Variants in CFAP61 observed in about 807,000 individuals in gnomAD.
CFAP61 encodes cilia- and flagella-associated protein 61.
Under a neutral mutation model 135.6 loss-of-function variants are expected in CFAP61, and 107 were observed. That is an observed-to-expected ratio of 0.79 (90% CI 0.67 to 0.93). The LOEUF (loss-of-function observed/expected upper bound fraction) is 0.93. CFAP61 is among the 40% of genes least tolerant of loss of function. The pLI is 0.00. For missense variants in CFAP61, 1,507 were observed against 1,556.2 expected, an observed-to-expected ratio of 0.97 and a Z score of 0.53; for synonymous variants, 575 against 578.5, an observed-to-expected ratio of 0.99 and a Z score of 0.09.
chr20:20,130,130 A>T (rs1276726201), intron 8 of CFAP61, among the ~76,000 whole-genome samples: 1 of 151,434 alleles, frequency 6.6e-6, no homozygotes, highest in Non-Finnish European at 1.5e-5. Flanking sequence ...TCTACTAAAG[A>T]TACAAAAAAT....
At chr20:20,130,446 T>C (rs2050426354) in intron 8 of CFAP61, among the ~76,000 whole-genome samples, 1 of 151,856 alleles carries the variant, frequency 6.6e-6, no homozygotes, top group African/African-American at 2.4e-5. Flanking sequence ...ATGTTTCTTG[T>C]GGTGTGTGTT....
rs146792381 is a variant in CFAP61, at chr20:20,090,941, G to A, written c.664G>A (p.Ala222Thr). Residue 222 changes from alanine to threonine, a missense_variant, in exon 7 of 27, where the codon GCC (alanine) becomes ACC (threonine). Physicochemically the swap from Ala to Thr is moderately conservative, Grantham distance 58 (BLOSUM62 0). Transcript: ENST00000245957. ...GEYFLAELIE[A>T]QDEENHAVVC... is the part of the protein sequence containing the mutation. Reference sequence around the variant, plus strand: ...ATACTTCCTGGCCGAACTAATAGAGGCCCAAGATGAAGAGAATCATGCTGT... The same window carrying A: ...ATACTTCCTGGCCGAACTAATAGAGACCCAAGATGAAGAGAATCATGCTGT... 292 of 1,614,004 alleles carry A rather than the reference G, an allele frequency of 1.8e-4. No homozygotes were observed. The highest frequency in any genetic ancestry group is 3.2e-4 in the Admixed American group (19 of 60,008).
At chr20:20,116,413 C>T (rs183530319) in intron 8 of CFAP61, among the ~76,000 whole-genome samples, 5 of 152,176 alleles carry the variant, frequency 3.3e-5, no homozygotes, top group East Asian at 1.9e-4. Context: ...TCCTTTGCCG[C>T]GCAGAAACTT....
At chr20:20,294,508 G>A (rs189912988) in intron 24 of CFAP61, among the ~76,000 whole-genome samples, 4 of 152,278 alleles carry the variant, frequency 2.6e-5, no homozygotes, top group East Asian at 3.9e-4. Flanking sequence ...CCTCCTCATC[G>A]CTTTCTCTAG....
At position 20,349,562 on chromosome 20, in the gene CFAP61, G is replaced by C. The variant is rs28821281; in HGVS notation, c.3513+7641G>C. Among the ~76,000 whole-genome samples, 414 of 152,252 alleles carry C rather than the reference G, an allele frequency of 2.7e-3. 3 individuals are homozygous for C. Among genetic ancestry groups the C allele is most frequent in the African/African-American group, 9.5e-3 (396 of 41,534 alleles). The stretch of plus-strand genomic sequence containing the variant: ...CATTGGGGATCACATTCCAGCATGA[G>C]AGTTGAAGGGAAAAAAACATCCAGA... On this transcript the variant is annotated intron_variant, in intron 26 of 26. Transcript: ENST00000245957.
intron 24 of CFAP61, among the ~76,000 whole-genome samples, chr20:20,291,659 G>T (rs911407402): frequency 2.0e-5 from 3 of 152,170 alleles, no homozygotes; most frequent in African/African-American, 7.2e-5. Context: ...CAAGTAGATT[G>T]CTTAGCATCT....
chr20:20,190,112 G>A (rs1403740146), intron 14 of CFAP61, among the ~76,000 whole-genome samples: 1 of 152,206 alleles, frequency 6.6e-6, no homozygotes, highest in African/African-American at 2.4e-5. Flanking sequence ...AACTAAAACT[G>A]CAACTATCTT....
intron 1 of CFAP61, among the ~76,000 whole-genome samples, chr20:20,056,390 A>G (rs539943859): frequency 6.6e-6 from 1 of 152,336 alleles, no homozygotes; most frequent in South Asian, 2.1e-4. Context: ...GTTGGAAACA[A>G]AGAATATAGT....
intron 21 of CFAP61, chr20:20,265,579 C>A: frequency 1.3e-6 from 1 of 758,898 alleles, no homozygotes; most frequent in South Asian, 1.4e-5. Context: ...CACCAAATAG[C>A]CAGGATAAGA....
intron 12 of CFAP61, among the ~76,000 whole-genome samples, chr20:20,168,084 C>G (rs948805950): frequency 1.3e-5 from 2 of 152,102 alleles, no homozygotes; most frequent in African/African-American, 4.8e-5. Context: ...TTAATATGCC[C>G]AATCCTTTTT....
At chr20:20,239,027 G>C (rs1330831516) in intron 18 of CFAP61, among the ~76,000 whole-genome samples, 2 of 150,950 alleles carry the variant, frequency 1.3e-5, no homozygotes, top group African/African-American at 2.4e-5. Context: ...GTTAGATATT[G>C]TTTATATACA....
intron 20 of CFAP61, among the ~76,000 whole-genome samples, chr20:20,261,304 G>C (rs1322439319): frequency 6.6e-6 from 1 of 152,222 alleles, no homozygotes; most frequent in Non-Finnish European, 1.5e-5. Context: ...CAAGCCCCAT[G>C]AGTTTAAGCA....
rs146380431 is a variant in CFAP61, at chr20:20,188,031, G to T, written c.1487G>T (p.Arg496Leu). 1.2e-6 allele frequency: 2 copies of T among 1,614,144 alleles called. No individual in the cohort carries two copies. Among genetic ancestry groups the T allele is most frequent in the Non-Finnish European group, 1.7e-6 (2 of 1,179,994 alleles). The change falls in exon 14 of 27, where the codon CGT (arginine) becomes CTT (leucine). Residue 496 changes from arginine (R) to leucine (L), a missense_variant. Coordinates refer to ENST00000245957, the MANE Select transcript of CFAP61 (RefSeq NM_015585.4). ...LNKSILEDLD[R>L]YNKARKDPDG... ...AAAAGCATATTGGAGGACTTAGACC[G>T]TTACAACAAGGCTCGCAAAGACCCT...
chr20:20,132,640 C>T (rs891311337), intron 8 of CFAP61, among the ~76,000 whole-genome samples: 2 of 152,024 alleles, frequency 1.3e-5, no homozygotes, highest in African/African-American at 2.4e-5. Context: ...GACTCCTACT[C>T]ATAGGCTGTC....
At chr20:20,057,611 A>G (rs1280420701) in intron 2 of CFAP61, among the ~76,000 whole-genome samples, 1 of 152,226 alleles carries the variant, frequency 6.6e-6, no homozygotes, top group African/African-American at 2.4e-5. Flanking sequence ...TAAAGTATGC[A>G]TAGATTTGTT....
At chr20:20,306,253 A>G (rs756097795) in intron 25 of CFAP61, among the ~76,000 whole-genome samples, 2 of 152,236 alleles carry the variant, frequency 1.3e-5, no homozygotes, top group Non-Finnish European at 2.9e-5. Context: ...ACCCATTTGC[A>G]TAGTCCAAAA....
At chr20:20,186,982 T>C (rs2055548318) in intron 13 of CFAP61, among the ~76,000 whole-genome samples, 1 of 152,084 alleles carries the variant, frequency 6.6e-6, no homozygotes, top group African/African-American at 2.4e-5. Context: ...TCCCATGGGC[T>C]CCAACCCATG....
chr20:20,299,319 G>A (rs1366710379), intron 25 of CFAP61, among the ~76,000 whole-genome samples: 1 of 152,116 alleles, frequency 6.6e-6, no homozygotes, highest in South Asian at 2.1e-4. Context: ...CCTCATCTTC[G>A]TGGAGGTAGC....
chr20:20,320,430 A>AAT (rs535825776), intron 25 of CFAP61, among the ~76,000 whole-genome samples: 74 of 4,024 alleles, frequency 0.018, 7 homozygotes, highest in African/African-American at 0.075. Context: ...TTATATATGT[A>AAT]ATATAATATA....
Sources: gnomAD v4.1 joint callset for allele counts (sites outside exome capture counted in the v4.1 genomes callset) on GRCh38, gnomAD v4.1.1 for gene constraint, MANE v1.5 for transcripts, NCBI Gene and HGNC (gene_info 2026-07-23, HGNC 2026-07-21) for gene names.